The following MDGA2 variants were observed in gnomAD, a reference collection of about 807,000 sequenced individuals.
MDGA2 encodes the protein MAM domain containing glycosylphosphatidylinositol anchor 2.
A neutral mutation model predicts 117.8 loss-of-function variants in MDGA2; 40 were observed. The observed-to-expected ratio is 0.34, with a 90% CI of 0.26 to 0.44. The LOEUF (loss-of-function observed/expected upper bound fraction) is 0.44. Among genes scored for constraint, MDGA2 ranks in the 20% least tolerant of loss-of-function variants. The pLI is 1.00. For synonymous variants in MDGA2, 452 were observed against 439.0 expected (o/e 1.03, Z -0.37); for missense variants, 1,123 against 1,250.6 (o/e 0.90, Z 1.54).
In MDGA2 at chr14:47,014,040, C is replaced by T. The variant is rs148804414; in HGVS notation, c.1819+20971G>A. ...GAACTCCTGACCTCAGGTGATCTGC[C>T]CACCTTGTCCTCCCAAAGTGTTGAG... On this transcript the variant is annotated intron_variant, in intron 8 of 16. Coordinates refer to ENST00000399232, the MANE Select transcript of MDGA2 (RefSeq NM_001113498.3). Among the ~76,000 whole-genome samples, 518 of 151,836 alleles carry T rather than the reference C, an allele frequency of 3.4e-3. 4 individuals are homozygous for T. Among genetic ancestry groups the T allele is most frequent in the African/African-American group, 0.012 (478 of 41,412 alleles).
intron 4 of MDGA2, among the ~76,000 whole-genome samples, chr14:47,136,995 C>T (rs1882489971): frequency 1.3e-5 from 2 of 152,158 alleles, no homozygotes; most frequent in Non-Finnish European, 2.9e-5. Flanking sequence ...TAATCAAGTA[C>T]AGAGAATCAA....
chr14:47,286,577 G>A (rs1181089657), intron 2 of MDGA2, among the ~76,000 whole-genome samples: 1 of 151,622 alleles, frequency 6.6e-6, no homozygotes, highest in Non-Finnish European at 1.5e-5. Flanking sequence ...TTTTTGTGTG[G>A]TGGAATAACA....
intron 1 of MDGA2, among the ~76,000 whole-genome samples, chr14:47,362,100 G>T (rs747740014): frequency 6.6e-6 from 1 of 152,050 alleles, no homozygotes; most frequent in Non-Finnish European, 1.5e-5. Context: ...CCTGAATCTT[G>T]AACTAGAAGC....
intron 3 of MDGA2, among the ~76,000 whole-genome samples, chr14:47,209,793 A>C (rs192776429): frequency 6.6e-6 from 1 of 152,308 alleles, no homozygotes; most frequent in East Asian, 1.9e-4. Context: ...TTAATAGGGC[A>C]ATTTGCATGA....
chr14:47,546,151 G>A (rs1280064316), intron 1 of MDGA2, among the ~76,000 whole-genome samples: 1 of 152,048 alleles, frequency 6.6e-6, no homozygotes, highest in African/African-American at 2.4e-5. Context: ...TTACAGATGG[G>A]GAGAAAAATA....
chr14:47,133,125 AC>A (rs1566643157), intron 4 of MDGA2, among the ~76,000 whole-genome samples: 116 of 151,666 alleles, frequency 7.6e-4, no homozygotes, highest in African/African-American at 2.7e-3. Context: ...AAAAAAACAA[AC>A]AAACAAAAAA....
intron 1 of MDGA2, among the ~76,000 whole-genome samples, chr14:47,332,555 TAA>T (rs3039504): frequency 0.21 from 32,489 of 151,742 alleles, 3,671 homozygotes; most frequent in Middle Eastern, 0.23. Context: ...GTAAAGCACT[TAA>T]AAAAAATTCA....
At chr14:46,989,238 T>G (rs1233340671) in intron 8 of MDGA2, among the ~76,000 whole-genome samples, 1 of 151,874 alleles carries the variant, frequency 6.6e-6, no homozygotes, top group East Asian at 1.9e-4. Flanking sequence ...GCTTGCTCCA[T>G]TTATATGGGC....
At chr14:47,152,769 CT>C (rs1883211122) in intron 3 of MDGA2, among the ~76,000 whole-genome samples, 1 of 152,010 alleles carries the variant, frequency 6.6e-6, no homozygotes, top group African/African-American at 2.4e-5. Context: ...ACAACTATTT[CT>C]TTCTGGAAAG....
intron 5 of MDGA2, 148 bp from the exon 6 acceptor site, chr14:47,097,271 C>T (rs1448600492): frequency 1.3e-6 from 1 of 753,086 alleles, no homozygotes; most frequent in Non-Finnish European, 2.1e-6. Flanking sequence ...CAAATTTAAA[C>T]AAGATTTAAT....
At chr14:47,357,353 C>T (rs971132824) in intron 1 of MDGA2, among the ~76,000 whole-genome samples, 1 of 152,188 alleles carries the variant, frequency 6.6e-6, no homozygotes. Flanking sequence ...CCCTATCATC[C>T]AACACTTTGG....
chr14:47,555,414 G>A (rs1157323805), intron 1 of MDGA2, among the ~76,000 whole-genome samples: 2 of 152,106 alleles, frequency 1.3e-5, no homozygotes, highest in Admixed American at 1.3e-4. Context: ...ATACACTCCT[G>A]AGTCTGGGAA....
chr14:47,502,376 C>G (rs770731296), intron 1 of MDGA2, among the ~76,000 whole-genome samples: 1 of 152,060 alleles, frequency 6.6e-6, no homozygotes, highest in Non-Finnish European at 1.5e-5. Context: ...TGCATATACT[C>G]AATGATCACA....
intron 1 of MDGA2, among the ~76,000 whole-genome samples, chr14:47,408,078 G>GTTTTTA (rs1566772553): frequency 2.9e-5 from 4 of 136,524 alleles, no homozygotes; most frequent in Non-Finnish European, 4.7e-5. Context: ...TTTTTTTTTG[G>GTTTTTA]TGGCATCTTG....
chr14:47,308,550 C>T (rs1889534570), intron 1 of MDGA2, among the ~76,000 whole-genome samples: 1 of 146,038 alleles, frequency 6.8e-6, no homozygotes, highest in South Asian at 2.2e-4. Context: ...AACTTCAGGA[C>T]CACATATGAG....
At chr14:47,635,811 C>G (rs1262686206) in intron 1 of MDGA2, among the ~76,000 whole-genome samples, 2 of 149,808 alleles carry the variant, frequency 1.3e-5, no homozygotes, top group East Asian at 3.9e-4. Context: ...ATTATTCATG[C>G]CTTGTTATCT....
intron 1 of MDGA2, among the ~76,000 whole-genome samples, chr14:47,541,843 G>C (rs2138757263): frequency 6.6e-6 from 1 of 152,248 alleles, no homozygotes; most frequent in East Asian, 1.9e-4. Context: ...GGCTCTGGCT[G>C]CTCCTCCCCT....
At chr14:47,605,734 A>C (rs1216162392) in intron 1 of MDGA2, among the ~76,000 whole-genome samples, 1 of 152,190 alleles carries the variant, frequency 6.6e-6, no homozygotes, top group African/African-American at 2.4e-5. Context: ...TTGAGGACTG[A>C]TAATCCCCCA....
chr14:47,107,629 A>G (rs1004208804), intron 5 of MDGA2, among the ~76,000 whole-genome samples: 3 of 151,452 alleles, frequency 2.0e-5, no homozygotes, highest in Non-Finnish European at 4.4e-5. Context: ...CATAATTCTC[A>G]TAAAAACACA....
Sources: gnomAD v4.1 joint callset for allele counts (sites outside exome capture counted in the v4.1 genomes callset) on GRCh38, gnomAD v4.1.1 for gene constraint, MANE v1.5 for transcripts, NCBI Gene and HGNC (gene_info 2026-07-23, HGNC 2026-07-21) for gene names.